Variants in ASIC1 observed in about 807,000 individuals in gnomAD.
ASIC1 encodes the protein acid sensing ion channel subunit 1, also known as acid-sensing ion channel 1.
ASIC1 carries 21 observed loss-of-function variants against 63.4 expected under a neutral mutation model. The ratio of observed to expected loss-of-function variants is 0.33; its 90% confidence interval spans 0.23 to 0.48. The LOEUF is 0.48. ASIC1 is among the 20% of genes least tolerant of loss of function. The pLI is 0.99. For missense variants in ASIC1, 478 were observed against 695.5 expected, an observed-to-expected ratio of 0.69 and a Z score of 3.52; for synonymous variants, 258 against 278.2, an observed-to-expected ratio of 0.93 and a Z score of 0.72.
intron 3 of ASIC1, among the ~76,000 whole-genome samples, chr12:50,075,237 G>T (rs1009467595): frequency 6.6e-6 from 1 of 152,284 alleles, no homozygotes; most frequent in Middle Eastern, 3.4e-3. Flanking sequence ...ATCATGGGAT[G>T]ACTGCAGGCA....
intron 3 of ASIC1, among the ~76,000 whole-genome samples, chr12:50,061,450 G>A (rs1032817644): frequency 2.0e-5 from 3 of 152,152 alleles, no homozygotes; most frequent in Non-Finnish European, 4.4e-5. Context: ...TTCATAACAG[G>A]AGAGTCCTGG....
chr12:50,079,990 G>A lies in ASIC1; in HGVS notation c.1140G>A (p.Lys380=), dbSNP rs1447422393. 1 of 1,614,012 alleles carries A rather than the reference G, an allele frequency of 6.2e-7. No individual in the cohort carries two copies. The highest frequency in any genetic ancestry group is 1.1e-5 in the South Asian group (1 of 91,078). ...TRYGKELSMV[K]IPSKASAKYL... ...ATGGCAAAGAGCTGTCCATGGTCAA[G>A]ATCCCCAGCAAAGCCTCAGCCAAGT... Residue 380 remains lysine, a synonymous_variant, in exon 8 of 12, where the codon AAG becomes AAA. Transcript: ENST00000447966.
chr12:50,079,075 A>G (rs979361160), intron 7 of ASIC1, 95 bp downstream of exon 7: 4 of 1,269,340 alleles, frequency 3.2e-6, no homozygotes, highest in Non-Finnish European at 4.5e-6. Flanking sequence ...GAAGCCTCAC[A>G]TAACTCCTGG....
intron 3 of ASIC1, among the ~76,000 whole-genome samples, chr12:50,068,850 G>GC (rs1950570760): frequency 6.6e-6 from 1 of 151,826 alleles, no homozygotes; most frequent in African/African-American, 2.4e-5. Context: ...CCCTGTTCCG[G>GC]CCCATCCCAC....
rs1950682152 is a variant in ASIC1, at chr12:50,078,532, C to T, written c.949C>T (p.Arg317Cys). 1.9e-6 allele frequency: 3 copies of T among 1,614,128 alleles called. No homozygotes were observed. Among genetic ancestry groups the T allele is most frequent in the Non-Finnish European group, 2.5e-6 (3 of 1,180,000 alleles). Residue 317 changes from arginine (R) to cysteine (C), a missense_variant, in exon 6 of 12, where the codon CGC becomes TGC. By Grantham distance (180) the Arg-to-Cys change is radical. Around this residue, in one of 3 missense-constraint regions of ASIC1, gnomAD observed 84 missense variants for 183.5 expected, o/e 0.46. Coordinates refer to ENST00000447966, the MANE Select transcript of ASIC1 (RefSeq NM_001095.4). This position sits in a 1 kb window ranked among gnomAD's most constrained non-coding sequence, Gnocchi z 6.0. ...ITACRIDCET[R>C]YLVENCNCRM... ...TGCCTGCCGCATCGACTGTGAGACG[C>T]GCTACCTGGTGGAGAACTGCAACTG...
intron 3 of ASIC1, among the ~76,000 whole-genome samples, chr12:50,062,158 C>T (rs1274824273): frequency 1.3e-5 from 2 of 152,206 alleles, no homozygotes; most frequent in South Asian, 2.1e-4. Context: ...CACAGATGGG[C>T]GTCTGGCTGG....
chr12:50,069,736 G>A (rs895782018), intron 3 of ASIC1, among the ~76,000 whole-genome samples: 1 of 151,870 alleles, frequency 6.6e-6, no homozygotes, highest in African/African-American at 2.4e-5. Context: ...TTTGCAATTA[G>A]ATATTTGTTT....
In ASIC1 at chr12:50,059,885, C is replaced by T. The variant is rs373210797; in HGVS notation, c.489C>T (p.His163=). 5.0e-5 allele frequency: 81 copies of T among 1,614,184 alleles called. No homozygotes were observed. In the East Asian group the frequency reaches 9.6e-4, roughly 19 times the overall value. ...NMREFYDRAG[H]DIRDMLLSCH... The stretch of plus-strand genomic sequence containing the variant: ...GTGAGTTCTACGACCGAGCTGGGCA[C>T]GACATTCGAGACATGCTGCTCTCCT... Residue 163 remains histidine (H), a synonymous_variant, in exon 3 of 12, where the codon CAC becomes CAT. Coordinates refer to ENST00000447966, the MANE Select transcript of ASIC1 (RefSeq NM_001095.4). The surrounding 1 kb of genome is among the most constrained non-coding windows in gnomAD (Gnocchi z 4.6).
At position 50,059,237 on chromosome 12, in the gene ASIC1, A is replaced by AC; in HGVS notation, c.362+112dup. On this transcript the variant is annotated intron_variant, in intron 2 of 11. Transcript: ENST00000447966. The surrounding 1 kb of genome is among the most constrained non-coding windows in gnomAD (Gnocchi z 4.6). ...AGAGCCCAGCCAACCCTGCCCTTTA[A>AC]CCCACCCCCACCCCCAAACCTGCCA... 7.1e-7 allele frequency: 1 copy of AC among 1,418,156 alleles called. No individual in the cohort carries two copies. The highest frequency in any genetic ancestry group is 1.4e-5 in the African/African-American group (1 of 70,110). The allele number at this position is 1,418,156 out of a possible 1,614,324, so 87.8% of individuals were successfully genotyped here. A position where few individuals can be genotyped will look rare whatever the true frequency, so the allele number is the denominator to read the frequency against.
chr12:50,071,548 C>T (rs1950599907), intron 3 of ASIC1, among the ~76,000 whole-genome samples: 1 of 151,998 alleles, frequency 6.6e-6, no homozygotes, highest in South Asian at 2.1e-4. Context: ...TCCCAAAGTG[C>T]TGGGATTACA....
intron 3 of ASIC1, among the ~76,000 whole-genome samples, chr12:50,060,928 C>T (rs1007776007): frequency 3.3e-5 from 5 of 152,200 alleles, no homozygotes; most frequent in African/African-American, 1.2e-4. Flanking sequence ...ATCACATTAC[C>T]TCTGTTTTAC....
rs769201993 is a variant in ASIC1 at position 50,081,206 on chromosome 12, G to A, written c.1377+25G>A. Reference sequence around the variant, plus strand: ...GGTAAGCGGGGGCGAGGCCCGGCACGGGGCCACGTGGGGGCGGGGTCCAGC... The same window carrying A: ...GGTAAGCGGGGGCGAGGCCCGGCACAGGGCCACGTGGGGGCGGGGTCCAGC... On this transcript the variant is annotated intron_variant, in intron 10 of 11. Coordinates refer to ENST00000447966, the MANE Select transcript of ASIC1 (RefSeq NM_001095.4). 7.0e-5 allele frequency: 113 copies of A among 1,606,836 alleles called. 2 individuals carry two copies. The South Asian group carries it at 1.1e-3, about 16-fold the overall frequency.
At chr12:50,069,248 A>ATTTTT (rs1484174875) in intron 3 of ASIC1, among the ~76,000 whole-genome samples, 2 of 139,978 alleles carry the variant, frequency 1.4e-5, no homozygotes, top group East Asian at 4.0e-4. Context: ...CTCTTTATTT[A>ATTTTT]TTTTTTATTT....
chr12:50,076,361 G>T (rs1457460711), intron 3 of ASIC1, among the ~76,000 whole-genome samples: 1 of 152,132 alleles, frequency 6.6e-6, no homozygotes, highest in Non-Finnish European at 1.5e-5. Context: ...CAGCTACTTG[G>T]GAGGCTGAGG....
In ASIC1 at chr12:50,081,730, G is replaced by A; in HGVS notation, c.*81G>A. The A allele has an allele frequency of 2.3e-6, 3 of 1,309,780 alleles. No individual in the cohort carries two copies. Among genetic ancestry groups the A allele is most frequent in the Non-Finnish European group, 2.1e-6 (2 of 933,162 alleles). The allele number at this position is 1,309,780 out of a possible 1,614,324, so 81.1% of individuals were successfully genotyped here. A position where few individuals can be genotyped will look rare whatever the true frequency, so the allele number is the denominator to read the frequency against. On this transcript the variant is annotated 3_prime_UTR_variant, in exon 12 of 12. Coordinates refer to ENST00000447966, the MANE Select transcript of ASIC1 (RefSeq NM_001095.4). ...GGCCCCCAGCTGCCTCCTCACATCT[G>A]CCCTGGGGACTCCCCACACTCCGGG...
chr12:50,058,755 C>A lies in ASIC1; in HGVS notation c.-12C>A, dbSNP rs749089883. On this transcript the variant is annotated 5_prime_UTR_variant, in exon 2 of 12. Coordinates refer to ENST00000447966, the MANE Select transcript of ASIC1 (RefSeq NM_001095.4). ...TGTCCCTCCCTCCTCCCCCAGGATCCCCTCAACAAGGATGGAACTGAAGGC... is the reference window on the plus strand; with the variant it reads ...TGTCCCTCCCTCCTCCCCCAGGATCACCTCAACAAGGATGGAACTGAAGGC... 2.6e-6 allele frequency: 4 copies of A among 1,562,054 alleles called. No homozygotes were observed. The highest frequency in any genetic ancestry group is 3.5e-6 in the Non-Finnish European group (4 of 1,150,398).
intron 3 of ASIC1, 139 bp downstream of exon 3, chr12:50,060,093 G>A (rs1950487428): frequency 4.8e-6 from 5 of 1,045,560 alleles, no homozygotes; most frequent in South Asian, 1.6e-5. Flanking sequence ...TCTAGTAGAA[G>A]GGGAGTTTGT....
At chr12:50,073,882 C>T in intron 3 of ASIC1, 1 of 1,533,766 alleles carries the variant, frequency 6.5e-7, no homozygotes. Context: ...TGTCCTGGCA[C>T]TGGGTGCCTT....
chr12:50,071,336 G>A (rs1281040558), intron 3 of ASIC1, among the ~76,000 whole-genome samples: 7 of 146,998 alleles, frequency 4.8e-5, no homozygotes, highest in East Asian at 4.0e-4. Flanking sequence ...GCTCAGTCTC[G>A]GCTCACTGCA....
Sources: gnomAD v4.1 joint callset for allele counts (sites outside exome capture counted in the v4.1 genomes callset) on GRCh38, gnomAD v4.1.1 for gene constraint, gnomAD v4.1.1 regional missense constraint, Gnocchi (gnomAD v3.1) non-coding constraint, MANE v1.5 for transcripts, NCBI Gene and HGNC (gene_info 2026-07-23, HGNC 2026-07-21) for gene names.